Variants in ARK2C observed in about 807,000 individuals in gnomAD.
The protein encoded by ARK2C is arkadia (RNF111) C-terminal like ring finger ubiquitin ligase 2C.
At chr18:46,423,150 C>A in the ARK2C span, among the ~76,000 whole-genome samples, 1,435 of 152,292 alleles carry the variant, frequency 9.4e-3, 19 homozygotes, top group African/African-American at 0.033. Flanking sequence ...AGCCCTAAAG[C>A]CTTTCCTTTG....
At chr18:46,433,488 G>A in the ARK2C span, 2 of 1,608,984 alleles carry the variant, frequency 1.2e-6, no homozygotes, top group African/African-American at 2.7e-5. Context: ...AGCACCGCAG[G>A]CTGGTCTCGC....
the ARK2C span, chr18:46,458,666 G>C: frequency 1.3e-5 from 2 of 152,298 alleles, no homozygotes; most frequent in African/African-American, 2.4e-5. Context: ...CTGGCCACCT[G>C]CAGGCAGAAA....
At chr18:46,338,546 G>T in the ARK2C span, among the ~76,000 whole-genome samples, 1 of 152,188 alleles carries the variant, frequency 6.6e-6, no homozygotes, top group Non-Finnish European at 1.5e-5. Flanking sequence ...GGGGAAGGGG[G>T]AAGGGGAAAT....
chr18:46,447,833 C>T, the ARK2C span: 10 of 944,698 alleles, frequency 1.1e-5, no homozygotes, highest in Non-Finnish European at 1.5e-5. Flanking sequence ...TCCACATGAC[C>T]CAGCTCACCT....
At chr18:46,355,122 G>T in the ARK2C span, among the ~76,000 whole-genome samples, 4 of 146,794 alleles carry the variant, frequency 2.7e-5, no homozygotes, top group African/African-American at 7.5e-5. Flanking sequence ...GCTAATTTTT[G>T]TTTTTTTTTT....
chr18:46,446,302 C>T, the ARK2C span, among the ~76,000 whole-genome samples: 1 of 152,052 alleles, frequency 6.6e-6, no homozygotes, highest in Non-Finnish European at 1.5e-5. Flanking sequence ...GAGAAATTTC[C>T]ACTCATCAAA....
At chr18:46,449,465 C>G in the ARK2C span, among the ~76,000 whole-genome samples, 1 of 152,168 alleles carries the variant, frequency 6.6e-6, no homozygotes, top group Non-Finnish European at 1.5e-5. Context: ...AAACCCAAGC[C>G]TTGAACCACC....
the ARK2C span, among the ~76,000 whole-genome samples, chr18:46,352,181 TG>T: frequency 5.9e-5 from 9 of 152,106 alleles, no homozygotes; most frequent in Non-Finnish European, 1.0e-4. Flanking sequence ...CCCTCCTCCT[TG>T]GGGGCCTTGG....
chr18:46,426,730 G>C, the ARK2C span, among the ~76,000 whole-genome samples: 1 of 152,234 alleles, frequency 6.6e-6, no homozygotes, highest in Non-Finnish European at 1.5e-5. Flanking sequence ...GTTTCTGGGA[G>C]ACCCTTCTTT....
At chr18:46,461,872 G>C in the ARK2C span, 1 of 152,222 alleles carries the variant, frequency 6.6e-6, no homozygotes, top group Non-Finnish European at 1.5e-5. Flanking sequence ...GGCTTGGGCA[G>C]TCATTTGGCG....
the ARK2C span, chr18:46,433,311 G>A: frequency 6.2e-7 from 1 of 1,611,946 alleles, no homozygotes; most frequent in Non-Finnish European, 8.5e-7. Flanking sequence ...TGCAGTCGCA[G>A]CCAGGCCTCA....
chr18:46,366,636 A>G, the ARK2C span, among the ~76,000 whole-genome samples: 1 of 152,182 alleles, frequency 6.6e-6, no homozygotes, highest in Non-Finnish European at 1.5e-5. Flanking sequence ...CATGGCTGAG[A>G]GGAATAGTAG....
At chr18:46,350,355 T>C in the ARK2C span, among the ~76,000 whole-genome samples, 1 of 152,138 alleles carries the variant, frequency 6.6e-6, no homozygotes, top group Non-Finnish European at 1.5e-5. Context: ...GAGAAAACAA[T>C]CATCACAAAG....
chr18:46,418,376 G>A, the ARK2C span, among the ~76,000 whole-genome samples: 4 of 151,854 alleles, frequency 2.6e-5, no homozygotes, highest in Non-Finnish European at 1.5e-5. Flanking sequence ...GGTGAAAATG[G>A]GAAATCAATT....
At chr18:46,357,306 G>A in the ARK2C span, among the ~76,000 whole-genome samples, 2 of 152,176 alleles carry the variant, frequency 1.3e-5, no homozygotes, top group Non-Finnish European at 2.9e-5. Context: ...TCTAGCCACG[G>A]CCTAGACTGT....
chr18:46,342,282 A>T, the ARK2C span, among the ~76,000 whole-genome samples: 2 of 152,338 alleles, frequency 1.3e-5, no homozygotes, highest in South Asian at 2.1e-4. Flanking sequence ...CATGGCCTGC[A>T]TACGGCAAGG....
the ARK2C span, among the ~76,000 whole-genome samples, chr18:46,367,964 T>C: frequency 6.6e-6 from 1 of 152,192 alleles, no homozygotes; most frequent in African/African-American, 2.4e-5. Flanking sequence ...GGCCAGTGAG[T>C]CTCCAAGTGT....
chr18:46,401,052 A>T, the ARK2C span, among the ~76,000 whole-genome samples: 2 of 152,122 alleles, frequency 1.3e-5, no homozygotes, highest in Non-Finnish European at 2.9e-5. Context: ...CCCATAAGTG[A>T]GCAAGGGGCA....
At chr18:46,396,624 C>G in the ARK2C span, among the ~76,000 whole-genome samples, 1 of 152,226 alleles carries the variant, frequency 6.6e-6, no homozygotes, top group East Asian at 1.9e-4. Flanking sequence ...CTACTGTCCA[C>G]TGAGCTCAGC....
Sources: gnomAD v4.1 joint callset for allele counts (sites outside exome capture counted in the v4.1 genomes callset) on GRCh38, gnomAD v4.1.1 for gene constraint, MANE v1.5 for transcripts, NCBI Gene and HGNC (gene_info 2026-07-23, HGNC 2026-07-21) for gene names.